Variants in DLX4 observed in about 807,000 individuals in gnomAD.
DLX4 encodes homeobox protein DLX-4.
Under a neutral mutation model 17.1 loss-of-function variants are expected in DLX4, and 13 were observed. That is an observed-to-expected ratio of 0.76 (90% CI 0.49 to 1.21). DLX4 has a LOEUF of 1.21. DLX4 is among the 50% of genes most tolerant of loss of function. The pLI is 0.00. For missense variants in DLX4, 297 were observed against 301.4 expected (o/e 0.99, Z 0.11); for synonymous variants, 129 against 140.3 (o/e 0.92, Z 0.57).
At position 49,972,938 on chromosome 17, in the gene DLX4, G is replaced by A; in HGVS notation, c.284-135G>A. On this transcript the variant is annotated intron_variant, in intron 1 of 2. Coordinates refer to ENST00000240306, the MANE Select transcript of DLX4 (RefSeq NM_138281.3). The surrounding 1 kb of genome is among the most constrained non-coding windows in gnomAD (Gnocchi z 5.4). ...AAGGTAGAGGGCAGGGGCCAAGGGG[G>A]CGATCCTGGTGGCTGCGCTTTTTGC... The A allele has an allele frequency of 6.7e-7, 1 of 1,492,572 alleles. No homozygotes were observed. The highest frequency in any genetic ancestry group is 1.4e-5 in the South Asian group (1 of 73,112). The allele number at this position is 1,492,572 out of a possible 1,614,324, so 92.5% of individuals were successfully genotyped here.
intron 1 of DLX4, among the ~76,000 whole-genome samples, chr17:49,971,385 T>C (rs1469734333): frequency 6.6e-6 from 1 of 152,116 alleles, no homozygotes; most frequent in Non-Finnish European, 1.5e-5. Context: ...TTCCACTCTA[T>C]GTCCACTCCT....
chr17:49,969,965 C>A (rs1047751877), intron 1 of DLX4, among the ~76,000 whole-genome samples: 1 of 152,086 alleles, frequency 6.6e-6, no homozygotes, highest in African/African-American at 2.4e-5. Context: ...CAAAACCGAC[C>A]TGGTTTCGAT....
chr17:49,969,996 G>C (rs906003330), intron 1 of DLX4, among the ~76,000 whole-genome samples: 5 of 152,114 alleles, frequency 3.3e-5, no homozygotes, highest in African/African-American at 1.2e-4. Flanking sequence ...GTAAAGACAG[G>C]CGAGAGGGCC....
In DLX4 at chr17:49,973,752, C is replaced by G. The variant is rs759945826; in HGVS notation, c.532C>G (p.Gln178Glu). ...CTCCAAGTATAAGAAGCTCCTGAAG[C>G]AGAATTCTGGGGGGCAGGAAGGGGA... is the stretch of plus-strand genomic sequence containing the variant. ...KRSKYKKLLK[Q>E]NSGGQEGDFP... Residue 178 changes from glutamine to glutamate, a missense_variant, in exon 3 of 3, where the codon CAG becomes GAG. Coordinates refer to ENST00000240306, the MANE Select transcript of DLX4 (RefSeq NM_138281.3). The G allele has an allele frequency of 6.5e-7, 1 of 1,537,044 alleles. No homozygotes were observed. Among genetic ancestry groups the G allele is most frequent in the Non-Finnish European group, 8.8e-7 (1 of 1,142,546 alleles).
chr17:49,970,704 C>G (rs1905475209), intron 1 of DLX4, among the ~76,000 whole-genome samples: 1 of 152,200 alleles, frequency 6.6e-6, no homozygotes, highest in African/African-American at 2.4e-5. Context: ...TCTAATTGCT[C>G]ACCCCCTCCT....
rs532592960 is a variant in DLX4 at position 49,969,782 on chromosome 17, T to C, written c.283+31T>C. The stretch of plus-strand genomic sequence containing the variant: ...TTCGGCCGTGGAGGCTCTTCCCACC[T>C]CTGGGGTTCGGCTCCTGTGCGCCCC... On this transcript the variant is annotated intron_variant, in intron 1 of 2. Transcript: ENST00000240306. The C allele has an allele frequency of 3.9e-6, 6 of 1,535,770 alleles. No homozygotes were observed. The African/African-American group carries it at 8.3e-5, about 21-fold the overall frequency.
At chr17:49,973,581 G>A in intron 2 of DLX4, 120 bp from the exon 3 acceptor site, 1 of 1,307,088 alleles carries the variant, frequency 7.7e-7, no homozygotes, top group Non-Finnish European at 1.0e-6. Context: ...AATGTTCCCA[G>A]CCTAGGGAAC....
Position 49,969,687 on chromosome 17 carries a change from G to A in DLX4, c.219G>A (p.Gln73=), listed in dbSNP as rs1382504601. The change falls in exon 1 of 3, where the codon CAG becomes CAA. Residue 73 remains glutamine, a synonymous_variant. Coordinates refer to ENST00000240306, the MANE Select transcript of DLX4 (RefSeq NM_138281.3). ...ANPGDSYLSC[Q]QPAALSQPLC... ...CCGGAGACTCCTACCTGTCCTGCCA[G>A]CAACCCGCGGCGCTCTCTCAGCCCC... 3 of 1,604,552 alleles carry A rather than the reference G, an allele frequency of 1.9e-6. No individual in the cohort carries two copies. The highest frequency in any genetic ancestry group is 2.5e-6 in the Non-Finnish European group (3 of 1,179,760).
rs1172153868 is a variant in DLX4, at chr17:49,974,461, ATT to A, written c.*522_*523del. ...ACCATCAGCTCCCACCCACCCAGCGATTTTTCCTTGGAGGTCAGCCCGTTACC... is the reference window on the plus strand; with the variant it reads ...ACCATCAGCTCCCACCCACCCAGCGATTTCCTTGGAGGTCAGCCCGTTACC... On this transcript the variant is annotated 3_prime_UTR_variant, in exon 3 of 3. Coordinates refer to ENST00000240306, the MANE Select transcript of DLX4 (RefSeq NM_138281.3). 6.6e-6 allele frequency: 1 copy of A among 151,176 alleles called. No individual in the cohort carries two copies. Among genetic ancestry groups the A allele is most frequent in the Non-Finnish European group, 1.5e-5 (1 of 67,940 alleles). The allele number at this position is 151,176 out of a possible 1,614,324, so 9.4% of individuals were successfully genotyped here.
At chr17:49,970,132 C>T (rs1267452153) in intron 1 of DLX4, among the ~76,000 whole-genome samples, 1 of 152,160 alleles carries the variant, frequency 6.6e-6, no homozygotes, top group Non-Finnish European at 1.5e-5. Flanking sequence ...CCGTCCTGTA[C>T]TCCCTTCCTG....
At position 49,972,959 on chromosome 17, in the gene DLX4, T is replaced by C; in HGVS notation, c.284-114T>C. 6.5e-7 allele frequency: 1 copy of C among 1,528,536 alleles called. No individual in the cohort carries two copies. Among genetic ancestry groups the C allele is most frequent in the Non-Finnish European group, 8.8e-7 (1 of 1,134,768 alleles). The allele number at this position is 1,528,536 out of a possible 1,614,324, so 94.7% of individuals were successfully genotyped here. On this transcript the variant is annotated intron_variant, in intron 1 of 2. Coordinates refer to ENST00000240306, the MANE Select transcript of DLX4 (RefSeq NM_138281.3). This position sits in a 1 kb window ranked among gnomAD's most constrained non-coding sequence, Gnocchi z 5.4. ...GGGGGCGATCCTGGTGGCTGCGCTT[T>C]TTGCTATTTGCTGCCGACGGCATGC...
Position 49,973,986 on chromosome 17 carries a change from C to A in DLX4, c.*43C>A. ...TCAGGCCCACAGCCTTCCTGCAAAG[C>A]CCAGGACCCAGGCAGTCCACCTGCA... On this transcript the variant is annotated 3_prime_UTR_variant, in exon 3 of 3. Transcript: ENST00000240306. 1 of 1,547,402 alleles carries A rather than the reference C, an allele frequency of 6.5e-7. No homozygotes were observed. Among genetic ancestry groups the A allele is most frequent in the Non-Finnish European group, 8.7e-7 (1 of 1,145,452 alleles).
chr17:49,969,456 G>T lies in DLX4; in HGVS notation c.-13G>T. The T allele has an allele frequency of 6.5e-7, 1 of 1,536,082 alleles. No individual in the cohort carries two copies. The highest frequency in any genetic ancestry group is 8.7e-7 in the Non-Finnish European group (1 of 1,145,950). On this transcript the variant is annotated 5_prime_UTR_variant, in exon 1 of 3. Coordinates refer to ENST00000240306, the MANE Select transcript of DLX4 (RefSeq NM_138281.3). ...TGCCGGGCCATGGCCCTTCTGCCCG[G>T]GCCCTGGCCACAATGACCTCTTTGC...
At chr17:49,973,679 C>A (rs758303999) in intron 2 of DLX4, 22 bp from the exon 3 acceptor site, 3 of 1,494,630 alleles carry the variant, frequency 2.0e-6, no homozygotes, top group African/African-American at 1.4e-5. Flanking sequence ...ATCTTTCATT[C>A]TTTCCCCTTT....
At chr17:49,971,466 T>C (rs1234320680) in intron 1 of DLX4, among the ~76,000 whole-genome samples, 1 of 152,086 alleles carries the variant, frequency 6.6e-6, no homozygotes, top group Non-Finnish European at 1.5e-5. Flanking sequence ...GCAGCGGGCC[T>C]GGAGGGAGGC....
chr17:49,971,239 T>C (rs949319687), intron 1 of DLX4, among the ~76,000 whole-genome samples: 1 of 152,056 alleles, frequency 6.6e-6, no homozygotes, highest in African/African-American at 2.4e-5. Context: ...TTAAGGACTT[T>C]CCCCCATCCA....
intron 1 of DLX4, among the ~76,000 whole-genome samples, chr17:49,971,762 G>A (rs1290226394): frequency 6.6e-6 from 1 of 152,000 alleles, no homozygotes; most frequent in Non-Finnish European, 1.5e-5. Context: ...GGGCGGGAGC[G>A]GAAACCCAAC....
In DLX4 at chr17:49,969,213, G is replaced by A. The variant is rs1905407906; in HGVS notation, c.-256G>A. On this transcript the variant is annotated 5_prime_UTR_variant, in exon 1 of 3. Transcript: ENST00000240306. Reference sequence around the variant, plus strand: ...CCGTCGGGTCCCGGGAACCGAACCCGATGGAGAGGAGGGGGCCCCCATGGA... The same window carrying A: ...CCGTCGGGTCCCGGGAACCGAACCCAATGGAGAGGAGGGGGCCCCCATGGA... 2.6e-6 allele frequency: 1 copy of A among 385,148 alleles called. No individual in the cohort carries two copies. Among genetic ancestry groups the A allele is most frequent in the Non-Finnish European group, 4.6e-6 (1 of 218,282 alleles). The allele number at this position is 385,148 out of a possible 1,614,324, so 23.9% of individuals were successfully genotyped here. A position where few individuals can be genotyped will look rare whatever the true frequency, so the allele number is the denominator to read the frequency against.
chr17:49,972,947 G>A lies in DLX4; in HGVS notation c.284-126G>A, dbSNP rs954661432. On this transcript the variant is annotated intron_variant, in intron 1 of 2. Coordinates refer to ENST00000240306, the MANE Select transcript of DLX4 (RefSeq NM_138281.3). The surrounding 1 kb of genome is among the most constrained non-coding windows in gnomAD (Gnocchi z 5.4). ...GGCAGGGGCCAAGGGGGCGATCCTGGTGGCTGCGCTTTTTGCTATTTGCTG... is the reference window on the plus strand; with the variant it reads ...GGCAGGGGCCAAGGGGGCGATCCTGATGGCTGCGCTTTTTGCTATTTGCTG... 1.2e-5 allele frequency: 18 copies of A among 1,511,336 alleles called. No homozygotes were observed. Among genetic ancestry groups the A allele is most frequent in the Middle Eastern group, 1.8e-4 (1 of 5,584 alleles). 93.6% of individuals were successfully genotyped at this position (1,511,336 alleles called of 1,614,324 possible).
Sources: allele counts gnomAD v4.1 joint callset (sites outside exome capture counted in the v4.1 genomes callset), GRCh38; gene constraint gnomAD v4.1.1; non-coding constraint Gnocchi (gnomAD v3.1); transcripts MANE v1.5; gene names NCBI Gene and HGNC (gene_info 2026-07-23, HGNC 2026-07-21).